SCAPER: variants seen among roughly 807,000 people sequenced by gnomAD.
The protein encoded by SCAPER is S phase cyclin A-associated protein in the endoplasmic reticulum.
SCAPER carries 98 observed loss-of-function variants against 182.2 expected under a neutral mutation model. The observed-to-expected ratio is 0.54, with a 90% confidence interval of 0.46 to 0.64. The LOEUF (loss-of-function observed/expected upper bound fraction) is 0.64, where lower values mean the gene tolerates loss of function less well. Among genes scored for constraint, SCAPER ranks in the 30% least tolerant of loss-of-function variants. SCAPER has a pLI of 0.00. For synonymous variants in SCAPER, 605 were observed against 564.6 expected (o/e 1.07, Z -1.01); for missense variants, 1,432 against 1,690.0 (o/e 0.85, Z 2.68).
intron 17 of SCAPER, among the ~76,000 whole-genome samples, chr15:76,726,124 A>AATATGAATAT (rs1555555703): frequency 1.3e-4 from 2 of 15,346 alleles, no homozygotes; most frequent in African/African-American, 2.9e-4. Flanking sequence ...TAATGTCTAG[A>AATATGAATAT]ATATATATAT....
intron 21 of SCAPER, among the ~76,000 whole-genome samples, chr15:76,645,103 A>G (rs2054434513): frequency 6.6e-6 from 1 of 152,148 alleles, no homozygotes; most frequent in Non-Finnish European, 1.5e-5. Flanking sequence ...TTTACATAGC[A>G]TATGCACTGC....
chr15:76,894,090 A>C (rs1307122156), intron 1 of SCAPER, among the ~76,000 whole-genome samples: 2 of 152,120 alleles, frequency 1.3e-5, no homozygotes, highest in African/African-American at 4.8e-5. Flanking sequence ...ATCTCTACTA[A>C]AAATACAAAA....
chr15:76,848,462 T>C (rs1470693201), intron 4 of SCAPER, among the ~76,000 whole-genome samples: 1 of 151,864 alleles, frequency 6.6e-6, no homozygotes, highest in Non-Finnish European at 1.5e-5. Context: ...GCCTCCCAAG[T>C]AGCTGGGACT....
intron 29 of SCAPER, among the ~76,000 whole-genome samples, chr15:76,374,764 G>A (rs543850109): frequency 6.6e-6 from 1 of 151,938 alleles, no homozygotes; most frequent in South Asian, 2.1e-4. Context: ...AGGGATTATA[G>A]GCGTGAACCA....
chr15:76,769,191 C>CCAG (rs2063295355), intron 10 of SCAPER, among the ~76,000 whole-genome samples: 1 of 151,988 alleles, frequency 6.6e-6, no homozygotes, highest in Non-Finnish European at 1.5e-5. Context: ...CACCTGTATC[C>CCAG]CAGCACTTTG....
chr15:76,679,955 C>T (rs1398220894), intron 20 of SCAPER, among the ~76,000 whole-genome samples: 1 of 152,166 alleles, frequency 6.6e-6, no homozygotes, highest in Non-Finnish European at 1.5e-5. Context: ...TGTACTGAAC[C>T]ATGCCTTGTA....
chr15:76,517,281 T>C (rs1040705911), intron 23 of SCAPER, among the ~76,000 whole-genome samples: 12 of 152,112 alleles, frequency 7.9e-5, no homozygotes, highest in Admixed American at 1.3e-4. Context: ...TAATTTTAGA[T>C]TTATAGAAGG....
At chr15:76,639,985 T>A (rs540000830) in intron 21 of SCAPER, among the ~76,000 whole-genome samples, 1 of 152,206 alleles carries the variant, frequency 6.6e-6, no homozygotes, top group African/African-American at 2.4e-5. Flanking sequence ...TAGCCATACA[T>A]AGGCCTTGGG....
intron 26 of SCAPER, among the ~76,000 whole-genome samples, chr15:76,424,610 C>T (rs957051500): frequency 4.6e-5 from 7 of 152,070 alleles, no homozygotes; most frequent in African/African-American, 9.7e-5. Flanking sequence ...GCATTTAGCC[C>T]GTTTACATTT....
rs141032203 is a variant in SCAPER, at chr15:76,543,321, T to C, written c.2838+30837A>G. Among the ~76,000 whole-genome samples the C allele has an allele frequency of 4.9e-4, 75 of 152,338 alleles. 1 individual carries two copies. The highest frequency in any genetic ancestry group is 1.6e-3 in the African/African-American group (67 of 41,584). ...AGTACAGTTTATACAGTTTAGGAAATTGGTTGTAGGTTTAAGGTTGACATG... is the reference window on the plus strand; with the variant it reads ...AGTACAGTTTATACAGTTTAGGAAACTGGTTGTAGGTTTAAGGTTGACATG... On this transcript the variant is annotated intron_variant, in intron 23 of 31. Transcript: ENST00000563290.
chr15:76,902,556 TGCTATGCCAGCCATTTAC>T (rs1384769437), intron 1 of SCAPER, among the ~76,000 whole-genome samples: 2 of 152,252 alleles, frequency 1.3e-5, no homozygotes, highest in Non-Finnish European at 1.5e-5. Context: ...ATTTAATTTT[TGCTATGCCAGCCATTTAC>T]AGTTTTCTCT....
At chr15:76,355,851 G>A (rs1385388967) in intron 29 of SCAPER, among the ~76,000 whole-genome samples, 3 of 152,208 alleles carry the variant, frequency 2.0e-5, no homozygotes, top group Non-Finnish European at 4.4e-5. Flanking sequence ...TTTACAGAGC[G>A]AGTTTACAGA....
intron 25 of SCAPER, among the ~76,000 whole-genome samples, chr15:76,461,232 C>T (rs185360137): frequency 3.3e-5 from 5 of 151,972 alleles, no homozygotes; most frequent in Admixed American, 6.6e-5. Flanking sequence ...AGGGTACTGA[C>T]GTTGACATAG....
chr15:76,516,302 C>G (rs780609928), intron 23 of SCAPER, among the ~76,000 whole-genome samples: 4 of 151,670 alleles, frequency 2.6e-5, no homozygotes, highest in African/African-American at 4.8e-5. Flanking sequence ...TGGTAGTTTG[C>G]TGCACCCATC....
chr15:76,776,552 G>A (rs2063753767), intron 8 of SCAPER, among the ~76,000 whole-genome samples: 1 of 152,176 alleles, frequency 6.6e-6, no homozygotes, highest in South Asian at 2.1e-4. Flanking sequence ...GGCAGAAAAA[G>A]TAGTGGGAGG....
chr15:76,560,219 G>T (rs2046509504), intron 23 of SCAPER, among the ~76,000 whole-genome samples: 1 of 152,134 alleles, frequency 6.6e-6, no homozygotes, highest in African/African-American at 2.4e-5. Context: ...AATGGAATTA[G>T]TACCCTTGTG....
chr15:76,433,161 A>C (rs2046975217), intron 26 of SCAPER, among the ~76,000 whole-genome samples: 1 of 152,222 alleles, frequency 6.6e-6, no homozygotes, highest in Admixed American at 6.5e-5. Context: ...AAGAGTTGAC[A>C]TCAAGAAACT....
At chr15:76,453,083 C>T (rs1431278432) in intron 25 of SCAPER, among the ~76,000 whole-genome samples, 4 of 152,174 alleles carry the variant, frequency 2.6e-5, no homozygotes, top group Non-Finnish European at 4.4e-5. Flanking sequence ...ATCCTCCTGC[C>T]TCAGCCTCCT....
chr15:76,544,511 T>C (rs1483070408), intron 23 of SCAPER, among the ~76,000 whole-genome samples: 2 of 152,180 alleles, frequency 1.3e-5, no homozygotes, highest in African/African-American at 4.8e-5. Flanking sequence ...GGATACAAGC[T>C]ATAATGTAGA....
Sources: gnomAD v4.1 joint callset for allele counts (sites outside exome capture counted in the v4.1 genomes callset) on GRCh38, gnomAD v4.1.1 for gene constraint, MANE v1.5 for transcripts, NCBI Gene and HGNC (gene_info 2026-07-23, HGNC 2026-07-21) for gene names.